The following RBMS3 variants were observed in gnomAD, a reference collection of about 807,000 sequenced individuals.
The protein encoded by RBMS3 is RNA binding motif single stranded interacting protein 3.
In RBMS3, 27 loss-of-function variants were observed where a neutral mutation model predicts 66.8. That is an observed-to-expected ratio of 0.40 (90% CI 0.30 to 0.56). RBMS3 has a LOEUF of 0.56. Among genes scored for constraint, RBMS3 ranks in the 20% least tolerant of loss-of-function variants. RBMS3 has a pLI of 0.40. For missense variants in RBMS3, 513 were observed against 549.5 expected, an observed-to-expected ratio of 0.93 and a Z score of 0.66; for synonymous variants, 188 against 183.0, an observed-to-expected ratio of 1.03 and a Z score of -0.22.
At chr3:29,628,999 C>T (rs2049175651) in intron 4 of RBMS3, among the ~76,000 whole-genome samples, 1 of 152,066 alleles carries the variant, frequency 6.6e-6, no homozygotes, top group African/African-American at 2.4e-5. Context: ...ACCGATGTCT[C>T]TGGGGTTTTC....
chr3:29,868,129 GGAAGA>G (rs2059404042), intron 6 of RBMS3, among the ~76,000 whole-genome samples: 1 of 152,094 alleles, frequency 6.6e-6, no homozygotes, highest in African/African-American at 2.4e-5. Flanking sequence ...TGTAATTGTT[GGAAGA>G]GAAGTTCAGA....
intron 6 of RBMS3, among the ~76,000 whole-genome samples, chr3:29,858,213 C>A (rs1267910977): frequency 6.6e-6 from 1 of 151,984 alleles, no homozygotes; most frequent in Non-Finnish European, 1.5e-5. Flanking sequence ...TTTTTTAATT[C>A]ATTTTTAATA....
chr3:29,445,372 G>T (rs532023951), intron 2 of RBMS3, among the ~76,000 whole-genome samples: 139 of 151,060 alleles, frequency 9.2e-4, no homozygotes, highest in African/African-American at 3.2e-3. Flanking sequence ...AACAAATAAG[G>T]ATCAATACTT....
At chr3:29,549,544 C>A (rs555559380) in intron 3 of RBMS3, among the ~76,000 whole-genome samples, 1 of 151,784 alleles carries the variant, frequency 6.6e-6, no homozygotes, top group Non-Finnish European at 1.5e-5. Context: ...AGACTATAGG[C>A]GCCCACCACC....
At chr3:29,324,117 T>G (rs1371667497) in intron 1 of RBMS3, among the ~76,000 whole-genome samples, 1 of 151,978 alleles carries the variant, frequency 6.6e-6, no homozygotes, top group African/African-American at 2.4e-5. Context: ...TTCACTGGAG[T>G]GGGAATAACA....
intron 1 of RBMS3, among the ~76,000 whole-genome samples, chr3:29,295,431 T>G (rs1174991242): frequency 6.7e-6 from 1 of 149,792 alleles, no homozygotes; most frequent in African/African-American, 2.4e-5. Flanking sequence ...TTCAAAGTAA[T>G]GCATATTTTG....
chr3:29,461,417 G>C (rs1319294001), intron 2 of RBMS3, among the ~76,000 whole-genome samples: 2 of 152,092 alleles, frequency 1.3e-5, no homozygotes, highest in Non-Finnish European at 1.5e-5. Flanking sequence ...CCTCTCTCCA[G>C]GACTCTTCTG....
intron 4 of RBMS3, among the ~76,000 whole-genome samples, chr3:29,723,027 G>A (rs1358881775): frequency 6.6e-6 from 1 of 151,926 alleles, no homozygotes; most frequent in African/African-American, 2.4e-5. Context: ...CCAGGCTGGA[G>A]TGCAACGGCA....
intron 6 of RBMS3, chr3:29,765,589 G>T (rs2055887569): frequency 6.6e-6 from 1 of 151,944 alleles, no homozygotes; most frequent in African/African-American, 2.4e-5. Flanking sequence ...TTATAGAACT[G>T]CACATTGATT....
chr3:29,685,396 C>T (rs1487206213), intron 4 of RBMS3, among the ~76,000 whole-genome samples: 1 of 152,070 alleles, frequency 6.6e-6, no homozygotes, highest in African/African-American at 2.4e-5. Flanking sequence ...AGTTTTAATA[C>T]GTTCTGTATT....
chr3:29,426,377 G>C (rs1346184363), intron 1 of RBMS3, among the ~76,000 whole-genome samples: 1 of 152,032 alleles, frequency 6.6e-6, no homozygotes, highest in Non-Finnish European at 1.5e-5. Context: ...ACAATAACTA[G>C]TTTATTTGTG....
chr3:29,522,327 G>T, intron 3 of RBMS3, among the ~76,000 whole-genome samples: 1 of 152,046 alleles, frequency 6.6e-6, no homozygotes, highest in Admixed American at 6.6e-5. Flanking sequence ...CAAGTAGCTG[G>T]GATTACAGGC....
intron 6 of RBMS3, among the ~76,000 whole-genome samples, chr3:29,866,856 C>G (rs542463351): frequency 6.6e-6 from 1 of 152,296 alleles, no homozygotes; most frequent in East Asian, 1.9e-4. Flanking sequence ...AAGTCAGAGG[C>G]TCATCAGAGC....
intron 8 of RBMS3, among the ~76,000 whole-genome samples, chr3:29,885,044 G>T (rs578230880): frequency 1.6e-4 from 25 of 151,622 alleles, no homozygotes; most frequent in Non-Finnish European, 3.1e-4. Context: ...AAAATCTGTG[G>T]GATATTGAAA....
At chr3:29,482,745 T>TCACC (rs2043183139) in intron 2 of RBMS3, among the ~76,000 whole-genome samples, 1 of 134,734 alleles carries the variant, frequency 7.4e-6, no homozygotes, top group African/African-American at 2.8e-5. Context: ...TGTCGCTCTG[T>TCACC]CACCCAGGCT....
chr3:29,590,681 A>G (rs1050003673), intron 4 of RBMS3, among the ~76,000 whole-genome samples: 2 of 152,090 alleles, frequency 1.3e-5, no homozygotes, highest in Non-Finnish European at 2.9e-5. Flanking sequence ...GGATATAGAG[A>G]AAAAACTTAT....
chr3:29,806,954 T>G (rs2057569763), intron 6 of RBMS3, among the ~76,000 whole-genome samples: 1 of 151,926 alleles, frequency 6.6e-6, no homozygotes, highest in African/African-American at 2.4e-5. Flanking sequence ...ATTATAAACG[T>G]CTGAGTCCTG....
chr3:29,414,870 C>T (rs1281283583), intron 1 of RBMS3, among the ~76,000 whole-genome samples: 3 of 152,140 alleles, frequency 2.0e-5, no homozygotes, highest in African/African-American at 7.2e-5. Context: ...AGCAATTATC[C>T]CATGAGTAGT....
intron 4 of RBMS3, among the ~76,000 whole-genome samples, chr3:29,592,098 TA>T (rs67612034): frequency 0.15 from 22,513 of 150,406 alleles, 1,914 homozygotes; most frequent in East Asian, 0.32. Context: ...GAAAAAAAAA[TA>T]AAAAAAACCA....
Sources: gnomAD v4.1 joint callset for allele counts (sites outside exome capture counted in the v4.1 genomes callset) on GRCh38, gnomAD v4.1.1 for gene constraint, MANE v1.5 for transcripts, NCBI Gene and HGNC (gene_info 2026-07-23, HGNC 2026-07-21) for gene names.